Variants in CRTC3 observed in about 807,000 individuals in gnomAD.
The protein encoded by CRTC3 is CREB regulated transcription coactivator 3, also known as CREB-regulated transcription coactivator 3.
A neutral mutation model predicts 74.5 loss-of-function variants in CRTC3; 26 were observed. That is an observed-to-expected ratio of 0.35 (90% CI 0.26 to 0.48). CRTC3 has a LOEUF of 0.48. Among genes scored for constraint, CRTC3 ranks in the 20% least tolerant of loss-of-function variants. The probability of loss-of-function intolerance (pLI) is 0.99; values close to 1 mark genes in which losing one functional copy is unlikely to be tolerated. For missense variants in CRTC3, 760 were observed against 787.3 expected (o/e 0.97, Z 0.41); for synonymous variants, 377 against 325.8 (o/e 1.16, Z -1.69).
chr15:90,633,490 G>C (rs2151095154), intron 11 of CRTC3, among the ~76,000 whole-genome samples: 1 of 152,292 alleles, frequency 6.6e-6, no homozygotes, highest in South Asian at 2.1e-4. Context: ...GAAATCCAGT[G>C]CCATTCGGAC....
rs745606348 is a variant in CRTC3 at position 90,638,512 on chromosome 15, C to A, written c.1333C>A (p.Pro445Thr). The stretch of plus-strand genomic sequence containing the variant: ...AGAAGCTCAAGCCCAGGTGTCGCCG[C>A]CACCCCCTTACCCTGCACCCCAGGA... Reference protein sequence around the residue: ...PTEAQAQVSPPPPYPAPQELT... With the variant: ...PTEAQAQVSPTPPYPAPQELT... The change falls in exon 12 of 15, where the codon CCA becomes ACA. Residue 445 changes from proline to threonine, a missense_variant. By Grantham distance (38) the Pro-to-Thr change is conservative (BLOSUM62 -1). Around this residue, in one of 2 missense-constraint regions of CRTC3, gnomAD observed 652 missense variants for 635.2 expected, o/e 1.03. Transcript: ENST00000268184. The A allele has an allele frequency of 6.2e-7, 1 of 1,613,920 alleles. No individual in the cohort carries two copies. Among genetic ancestry groups the A allele is most frequent in the Non-Finnish European group, 8.5e-7 (1 of 1,179,978 alleles).
At chr15:90,619,400 T>G (rs1160380891) in intron 8 of CRTC3, among the ~76,000 whole-genome samples, 1 of 152,184 alleles carries the variant, frequency 6.6e-6, no homozygotes, top group African/African-American at 2.4e-5. Flanking sequence ...GAGGTTGCTG[T>G]GAGCTGAGAT....
chr15:90,549,057 T>A (rs1966849487), intron 2 of CRTC3, among the ~76,000 whole-genome samples: 1 of 152,246 alleles, frequency 6.6e-6, no homozygotes, highest in Admixed American at 6.5e-5. Flanking sequence ...GAAAACTGGT[T>A]ACATCTTTTT....
Position 90,638,821 on chromosome 15 carries a change from T to C in CRTC3, c.1548+6T>C. 1 of 1,611,548 alleles carries C rather than the reference T, an allele frequency of 6.2e-7. No homozygotes were observed. Among genetic ancestry groups the C allele is most frequent in the South Asian group, 1.1e-5 (1 of 91,026 alleles). On this transcript the variant is annotated splice_donor_region_variant and intron_variant, in intron 13 of 14. Coordinates refer to ENST00000268184, the MANE Select transcript of CRTC3 (RefSeq NM_022769.5). ...GCCCTGCCTTTCCTCAACAGGTGGG[T>C]GATCGCCCCTGCCTTCTCCTCCCTT...
At chr15:90,587,691 G>A (rs1468620821) in intron 2 of CRTC3, among the ~76,000 whole-genome samples, 1 of 152,088 alleles carries the variant, frequency 6.6e-6, no homozygotes, top group African/African-American at 2.4e-5. Flanking sequence ...TCAGTTCACT[G>A]CAACCTCTGC....
chr15:90,624,384 T>G (rs1170588756), intron 9 of CRTC3, among the ~76,000 whole-genome samples: 1 of 152,006 alleles, frequency 6.6e-6, no homozygotes, highest in Non-Finnish European at 1.5e-5. Context: ...ATTCTCCAGC[T>G]TAACCTGGCC....
chr15:90,632,644 AC>A (rs575750601), intron 11 of CRTC3, among the ~76,000 whole-genome samples: 315 of 152,222 alleles, frequency 2.1e-3, no homozygotes, highest in African/African-American at 7.4e-3. Context: ...TTGCTCTGTC[AC>A]CCAGGCTGGG....
At chr15:90,575,323 AC>A (rs1262712352) in intron 2 of CRTC3, among the ~76,000 whole-genome samples, 1 of 152,170 alleles carries the variant, frequency 6.6e-6, no homozygotes, top group Non-Finnish European at 1.5e-5. Context: ...TGCACTCTAG[AC>A]TGGGCTAGAA....
At chr15:90,622,426 A>G (rs940194905) in intron 9 of CRTC3, among the ~76,000 whole-genome samples, 1 of 152,040 alleles carries the variant, frequency 6.6e-6, no homozygotes. Flanking sequence ...CTCCCACCTG[A>G]TCACCCATGG....
At chr15:90,628,512 G>C (rs1968921464) in intron 10 of CRTC3, among the ~76,000 whole-genome samples, 1 of 152,218 alleles carries the variant, frequency 6.6e-6, no homozygotes, top group South Asian at 2.1e-4. Flanking sequence ...GCATAGGACA[G>C]GATCCCCAGT....
rs1422526384 is a variant in CRTC3, at chr15:90,625,902, CACCG to C, written c.880_883del (p.Asp294ThrfsTer6). 1 of 1,614,060 alleles carries C rather than the reference CACCG, an allele frequency of 6.2e-7. No individual in the cohort carries two copies. Among genetic ancestry groups the C allele is most frequent in the African/African-American group, 1.3e-5 (1 of 74,912 alleles). On this transcript the variant is annotated frameshift_variant, in exon 10 of 15. Transcript: ENST00000268184. LOFTEE classifies it high-confidence loss of function. ...CACCCCTGCCAGCCTCCCTGGACAC[CACCG>C]ACCACCACTTTGGCAGTATGAGTGT... is the stretch of plus-strand genomic sequence containing the variant.
intron 2 of CRTC3, among the ~76,000 whole-genome samples, chr15:90,575,942 A>G (rs1391917161): frequency 1.3e-5 from 2 of 152,206 alleles, no homozygotes; most frequent in South Asian, 2.1e-4. Flanking sequence ...GCAGCTAAGG[A>G]TATGATCAGA....
intron 2 of CRTC3, among the ~76,000 whole-genome samples, chr15:90,543,133 T>TG (rs1966829956): frequency 3.7e-5 from 1 of 27,066 alleles, no homozygotes; most frequent in Non-Finnish European, 9.3e-5. Context: ...CTGTCTCTAC[T>TG]GAAAAAAAAA....
chr15:90,637,428 T>C (rs912614198), intron 11 of CRTC3, among the ~76,000 whole-genome samples: 12 of 151,968 alleles, frequency 7.9e-5, no homozygotes, highest in African/African-American at 2.9e-4. Context: ...GGGGGAGGGA[T>C]AGCATTGGGA....
chr15:90,570,329 C>T (rs1967233278), intron 2 of CRTC3, among the ~76,000 whole-genome samples: 1 of 152,114 alleles, frequency 6.6e-6, no homozygotes. Flanking sequence ...AGGGATGAGG[C>T]AGGGCTCGGA....
chr15:90,619,165 G>T (rs1214985454), intron 8 of CRTC3, among the ~76,000 whole-genome samples: 1 of 152,074 alleles, frequency 6.6e-6, no homozygotes, highest in Non-Finnish European at 1.5e-5. Context: ...TTATTTAAAA[G>T]CTCTATGTCG....
intron 5 of CRTC3, 75 bp downstream of exon 5, chr15:90,604,522 A>G: frequency 9.0e-7 from 1 of 1,116,834 alleles, no homozygotes; most frequent in Non-Finnish European, 1.4e-6. Context: ...CATAGCATCC[A>G]GTTGCCAGAG....
intron 2 of CRTC3, among the ~76,000 whole-genome samples, chr15:90,560,688 A>G (rs555350088): frequency 2.6e-5 from 4 of 152,324 alleles, no homozygotes; most frequent in African/African-American, 9.6e-5. Context: ...TGTCAGAACA[A>G]TAGGGAATGA....
chr15:90,638,406 C>A, intron 11 of CRTC3, 40 bp from the exon 12 acceptor site: 1 of 1,566,658 alleles, frequency 6.4e-7, no homozygotes, highest in Non-Finnish European at 8.8e-7. Flanking sequence ...ACGCCAGAAA[C>A]GCAGAAGCTC....
Sources: allele counts gnomAD v4.1 joint callset (sites outside exome capture counted in the v4.1 genomes callset), GRCh38; gene constraint gnomAD v4.1.1; regional missense constraint gnomAD v4.1.1; transcripts MANE v1.5; gene names NCBI Gene and HGNC (gene_info 2026-07-23, HGNC 2026-07-21).